The following TANC2 variants were observed in gnomAD, a reference collection of about 807,000 sequenced individuals.
TANC2 encodes the protein tetratricopeptide repeat, ankyrin repeat and coiled-coil containing 2, also known as protein TANC2.
Under a neutral mutation model 210.5 loss-of-function variants are expected in TANC2, and 26 were observed. The ratio of observed to expected loss-of-function variants is 0.12; its 90% CI spans 0.09 to 0.17. TANC2 has a LOEUF of 0.17. TANC2 is among the 10% of genes least tolerant of loss of function. The pLI is 1.00. For synonymous variants in TANC2, 931 were observed against 967.1 expected (o/e 0.96, Z 0.69); for missense variants, 2,129 against 2,608.9 (o/e 0.82, Z 4.01).
chr17:63,348,950 T>C (rs938898719), intron 12 of TANC2, among the ~76,000 whole-genome samples: 2 of 152,152 alleles, frequency 1.3e-5, no homozygotes, highest in African/African-American at 4.8e-5. Context: ...TCTCATTGTT[T>C]TACAGCATTA....
chr17:63,235,508 C>T (rs971855465), intron 7 of TANC2, among the ~76,000 whole-genome samples: 4 of 152,190 alleles, frequency 2.6e-5, no homozygotes, highest in African/African-American at 4.8e-5. Flanking sequence ...AATTTTCCCT[C>T]TTCCCACTTC....
intron 21 of TANC2, among the ~76,000 whole-genome samples, chr17:63,410,247 GTGTACTAGTTAGTAAC>G (rs1567995805): frequency 3.3e-5 from 5 of 151,652 alleles, no homozygotes; most frequent in African/African-American, 1.2e-4. Context: ...AGTAGATTTA[GTGTACTAGTTAGTAAC>G]TAGTACCGTA....
intron 4 of TANC2, among the ~76,000 whole-genome samples, chr17:63,143,611 T>A (rs1484958409): frequency 1.3e-5 from 2 of 152,202 alleles, no homozygotes; most frequent in African/African-American, 4.8e-5. Flanking sequence ...GTTTTGAAAT[T>A]GTTACCTGCA....
chr17:63,291,147 A>G (rs912646729), intron 9 of TANC2, among the ~76,000 whole-genome samples: 6 of 152,218 alleles, frequency 3.9e-5, no homozygotes, highest in African/African-American at 1.2e-4. Context: ...TACCTGTGAC[A>G]TGCACAGAGC....
At chr17:63,342,683 G>A (rs2046275613) in intron 12 of TANC2, among the ~76,000 whole-genome samples, 1 of 152,294 alleles carries the variant, frequency 6.6e-6, no homozygotes, top group African/African-American at 2.4e-5. Flanking sequence ...GGCTGAGGCA[G>A]GAGAATGGCG....
intron 1 of TANC2, among the ~76,000 whole-genome samples, chr17:63,001,668 C>G (rs1044274580): frequency 2.8e-4 from 43 of 151,950 alleles, no homozygotes; most frequent in African/African-American, 8.7e-4. Context: ...CTTCAGACTC[C>G]CAAGTAGCTG....
At chr17:63,236,007 T>C (rs193275899) in intron 7 of TANC2, among the ~76,000 whole-genome samples, 47 of 152,204 alleles carry the variant, frequency 3.1e-4, no homozygotes, top group South Asian at 1.2e-3. Context: ...TACAGAGATC[T>C]GTACAAGTAG....
intron 7 of TANC2, among the ~76,000 whole-genome samples, chr17:63,209,145 GACT>G (rs1305793751): frequency 6.6e-6 from 1 of 151,730 alleles, no homozygotes; most frequent in Non-Finnish European, 1.5e-5. Context: ...AAGCATCTGG[GACT>G]ACAGGCGCAT....
chr17:63,073,823 C>A, intron 2 of TANC2, 120 bp from the exon 3 acceptor site: 1 of 897,904 alleles, frequency 1.1e-6, no homozygotes, highest in Non-Finnish European at 1.6e-6. Flanking sequence ...TTTAATGATC[C>A]GGATTATAGG....
At chr17:63,072,433 A>T (rs894501166) in intron 2 of TANC2, among the ~76,000 whole-genome samples, 2 of 152,224 alleles carry the variant, frequency 1.3e-5, no homozygotes, top group East Asian at 3.9e-4. Flanking sequence ...AATAATGTCA[A>T]AGAAAAATTT....
chr17:63,226,855 T>G (rs1462011429), intron 7 of TANC2, among the ~76,000 whole-genome samples: 1 of 152,182 alleles, frequency 6.6e-6, no homozygotes, highest in Non-Finnish European at 1.5e-5. Flanking sequence ...ATGCAATGTT[T>G]GGTTTTCTAT....
chr17:63,041,926 T>C (rs2035204043), intron 2 of TANC2, among the ~76,000 whole-genome samples: 2 of 152,166 alleles, frequency 1.3e-5, no homozygotes, highest in Non-Finnish European at 2.9e-5. Context: ...GAGGGCACAT[T>C]GTTATTGACA....
At chr17:63,156,219 A>G in intron 5 of TANC2, among the ~76,000 whole-genome samples, 1 of 152,116 alleles carries the variant, frequency 6.6e-6, no homozygotes, top group East Asian at 1.9e-4. Flanking sequence ...TTTATTGTAA[A>G]TACAATAAGT....
At chr17:63,272,710 A>G (rs2043749762) in intron 9 of TANC2, among the ~76,000 whole-genome samples, 1 of 152,042 alleles carries the variant, frequency 6.6e-6, no homozygotes, top group Non-Finnish European at 1.5e-5. Flanking sequence ...TTATTCTGAA[A>G]TAGTTTTTTA....
At chr17:63,188,215 G>A (rs144995448) in intron 5 of TANC2, among the ~76,000 whole-genome samples, 190 of 151,460 alleles carry the variant, frequency 1.3e-3, no homozygotes, top group Admixed American at 4.4e-3. Context: ...CATGCTGAGG[G>A]TGCTGAGGGT....
chr17:63,330,873 C>T (rs376775847), intron 11 of TANC2, among the ~76,000 whole-genome samples: 33 of 152,198 alleles, frequency 2.2e-4, no homozygotes, highest in African/African-American at 7.5e-4. Context: ...GTCAGGAGTT[C>T]GAGACCAGCC....
chr17:63,100,265 T>C (rs1039910769), intron 4 of TANC2, among the ~76,000 whole-genome samples: 2 of 152,166 alleles, frequency 1.3e-5, no homozygotes, highest in Non-Finnish European at 2.9e-5. Flanking sequence ...CTTCTGTCTA[T>C]GTAGAGTGAA....
chr17:62,981,473 A>G (rs2032297052), intron 1 of TANC2, among the ~76,000 whole-genome samples: 1 of 152,100 alleles, frequency 6.6e-6, no homozygotes, highest in African/African-American at 2.4e-5. Context: ...CCCCATTTGC[A>G]GCTTTCACAT....
chr17:63,237,069 A>G (rs938804418), intron 7 of TANC2, among the ~76,000 whole-genome samples: 1 of 151,964 alleles, frequency 6.6e-6, no homozygotes, highest in Non-Finnish European at 1.5e-5. Flanking sequence ...AAATCTCTGT[A>G]TTTTCCTTAA....
Sources: allele counts gnomAD v4.1 joint callset (sites outside exome capture counted in the v4.1 genomes callset), GRCh38; gene constraint gnomAD v4.1.1; transcripts MANE v1.5; gene names NCBI Gene and HGNC (gene_info 2026-07-23, HGNC 2026-07-21).